Variants in PPP1R37 observed in about 807,000 individuals in gnomAD.
The protein encoded by PPP1R37 is protein phosphatase 1 regulatory subunit 37, also known as leucine rich repeat containing 68.
A neutral mutation model predicts 61.0 loss-of-function variants in PPP1R37; 21 were observed. The ratio of observed to expected loss-of-function variants is 0.34; its 90% CI spans 0.24 to 0.50. PPP1R37 has a LOEUF of 0.50. PPP1R37 is among the 20% of genes least tolerant of loss of function. The pLI is 0.98. For missense variants in PPP1R37, 910 were observed against 952.7 expected (o/e 0.96, Z 0.59); for synonymous variants, 443 against 433.5 (o/e 1.02, Z -0.27).
At chr19:45,125,039 A>G (rs891415384) in intron 1 of PPP1R37, among the ~76,000 whole-genome samples, 3 of 152,236 alleles carry the variant, frequency 2.0e-5, no homozygotes, top group African/African-American at 7.2e-5. Context: ...GAAGCTTGGA[A>G]TTCTCCTAAA....
At chr19:45,144,245 C>T (rs1350834884) in intron 8 of PPP1R37, 2 of 152,310 alleles carry the variant, frequency 1.3e-5, no homozygotes, top group African/African-American at 4.8e-5. Flanking sequence ...CGCAATCTGA[C>T]CTTGTGATCC....
At chr19:45,124,164 C>T (rs570056895) in intron 1 of PPP1R37, among the ~76,000 whole-genome samples, 1 of 152,150 alleles carries the variant, frequency 6.6e-6, no homozygotes, top group Non-Finnish European at 1.5e-5. Context: ...AGGGCTGAGA[C>T]GGGGAGCCCA....
At chr19:45,114,416 TG>T (rs1968238543) in intron 1 of PPP1R37, among the ~76,000 whole-genome samples, 2 of 152,208 alleles carry the variant, frequency 1.3e-5, no homozygotes, top group Admixed American at 6.5e-5. Flanking sequence ...CCAGCCCTCC[TG>T]GTGTCTGGAA....
At chr19:45,142,243 T>G (rs984722522) in intron 6 of PPP1R37, 32 bp downstream of exon 6, 4 of 1,533,254 alleles carry the variant, frequency 2.6e-6, no homozygotes, top group African/African-American at 1.4e-5. Flanking sequence ...GTGAGCAGGA[T>G]GTGCAGCCTG....
At chr19:45,111,955 T>C (rs1043400693) in intron 1 of PPP1R37, among the ~76,000 whole-genome samples, 2 of 151,972 alleles carry the variant, frequency 1.3e-5, no homozygotes, top group Non-Finnish European at 2.9e-5. Context: ...TCCTGGGTCT[T>C]GGTTTTTCTT....
chr19:45,133,927 T>A (rs1426812391), intron 1 of PPP1R37, among the ~76,000 whole-genome samples: 1 of 152,164 alleles, frequency 6.6e-6, no homozygotes, highest in African/African-American at 2.4e-5. Flanking sequence ...AGGAACTGGG[T>A]GTGAAATGCC....
intron 1 of PPP1R37, chr19:45,128,727 G>A (rs1599704718): frequency 7.1e-6 from 6 of 842,872 alleles, no homozygotes; most frequent in Admixed American, 2.1e-5. Context: ...GCACAGCCGC[G>A]TCAAGGTCCA....
chr19:45,145,015 C>A lies in PPP1R37; in HGVS notation c.1129+20C>A. The A allele has an allele frequency of 6.5e-7, 1 of 1,529,750 alleles. No homozygotes were observed. The highest frequency in any genetic ancestry group is 8.7e-7 in the Non-Finnish European group (1 of 1,143,812). The allele number at this position is 1,529,750 out of a possible 1,614,324, so 94.8% of individuals were successfully genotyped here. On this transcript the variant is annotated intron_variant, in intron 9 of 12. Coordinates refer to ENST00000221462, the MANE Select transcript of PPP1R37 (RefSeq NM_019121.2). ...GCGAGGGTAGGGTACGGGGCCGGGC[C>A]AGGGTGCGGGCTGGTGGGCTCAGCC...
chr19:45,105,706 A>G (rs1968121968), intron 1 of PPP1R37, among the ~76,000 whole-genome samples: 1 of 152,024 alleles, frequency 6.6e-6, no homozygotes, highest in Admixed American at 6.5e-5. Context: ...GGTTCTGCCT[A>G]CTATGATCAC....
At chr19:45,140,164 GCAGCCATTTGGGGCCTCGGCTGCCCCCC>G in intron 2 of PPP1R37, 44 bp from the exon 3 acceptor site, 1 of 1,343,516 alleles carries the variant, frequency 7.4e-7, no homozygotes. Context: ...CTCAGGCATA[GCAGCCATTTGGGGCCTCGGCTGCCCCCC>G]TGTTCAAGTG....
chr19:45,128,497 G>A (rs973591858), intron 1 of PPP1R37: 5 of 880,802 alleles, frequency 5.7e-6, no homozygotes, highest in South Asian at 4.5e-5. Flanking sequence ...CAGAGGCAGC[G>A]GTTGGGTTTG....
In PPP1R37 at chr19:45,143,593, A is replaced by T. The variant is rs1968642553; in HGVS notation, c.947A>T (p.Gln316Leu). ...GTGACCCTGGTGCTGTGGAACAACCAGCTCACGCACACAGGCATGGCCTTC... is the reference window on the plus strand; with the variant it reads ...GTGACCCTGGTGCTGTGGAACAACCTGCTCACGCACACAGGCATGGCCTTC... ...GLVTLVLWNN[Q>L]LTHTGMAFLG... Residue 316 changes from glutamine (Q) to leucine (L), a missense_variant, in exon 8 of 13, where the codon CAG becomes CTG. This residue lies in a region of PPP1R37 where 280 missense variants were observed against 382.2 expected (regional missense o/e 0.73). Transcript: ENST00000221462. 6.5e-7 allele frequency: 1 copy of T among 1,535,936 alleles called. No homozygotes were observed.
At chr19:45,107,067 T>C (rs1333912387) in intron 1 of PPP1R37, among the ~76,000 whole-genome samples, 1 of 151,772 alleles carries the variant, frequency 6.6e-6, no homozygotes, top group African/African-American at 2.4e-5. Context: ...CCGCCCACCT[T>C]GGCCTCCCAA....
intron 1 of PPP1R37, among the ~76,000 whole-genome samples, chr19:45,114,229 C>T (rs974182625): frequency 1.3e-5 from 2 of 152,248 alleles, no homozygotes; most frequent in African/African-American, 2.4e-5. Flanking sequence ...CCACCTGGGG[C>T]CACAGGAGGT....
At chr19:45,141,694 T>C (rs1968614032) in intron 5 of PPP1R37, among the ~76,000 whole-genome samples, 1 of 152,232 alleles carries the variant, frequency 6.6e-6, no homozygotes, top group African/African-American at 2.4e-5. Flanking sequence ...GTCATCCTTC[T>C]GTAATGTCAT....
chr19:45,093,531 G>C lies in PPP1R37; in HGVS notation c.202+4G>C, dbSNP rs1381103173. The C allele has an allele frequency of 1.5e-5, 23 of 1,529,614 alleles. No homozygotes were observed. The highest frequency in any genetic ancestry group is 1.9e-5 in the Non-Finnish European group (22 of 1,142,460). The allele number at this position is 1,529,614 out of a possible 1,614,324, so 94.8% of individuals were successfully genotyped here. On this transcript the variant is annotated splice_donor_region_variant and intron_variant, in intron 1 of 12. Coordinates refer to ENST00000221462, the MANE Select transcript of PPP1R37 (RefSeq NM_019121.2). ...CCCAAAGACCCCTGGAGACATGGTA[G>C]CTACCGCGGGTGAAGCGGGGGCGGG... is the stretch of plus-strand genomic sequence containing the variant.
intron 1 of PPP1R37, among the ~76,000 whole-genome samples, chr19:45,107,601 T>G (rs1169295178): frequency 2.0e-5 from 3 of 152,084 alleles, no homozygotes; most frequent in Non-Finnish European, 2.9e-5. Flanking sequence ...GTCTCAAAAA[T>G]AAATAAAAAA....
intron 1 of PPP1R37, among the ~76,000 whole-genome samples, chr19:45,111,528 G>A (rs1363819887): frequency 1.3e-5 from 2 of 152,092 alleles, no homozygotes; most frequent in Non-Finnish European, 2.9e-5. Flanking sequence ...CGCCTGCCTC[G>A]ATCTCCCAAA....
intron 1 of PPP1R37, among the ~76,000 whole-genome samples, chr19:45,106,720 G>T (rs948765933): frequency 6.9e-6 from 1 of 145,568 alleles, no homozygotes; most frequent in Non-Finnish European, 1.5e-5. Flanking sequence ...ATTTTTAATT[G>T]TTTTGTAGAG....
Sources: gnomAD v4.1 joint callset for allele counts (sites outside exome capture counted in the v4.1 genomes callset) on GRCh38, gnomAD v4.1.1 for gene constraint, gnomAD v4.1.1 regional missense constraint, MANE v1.5 for transcripts, NCBI Gene and HGNC (gene_info 2026-07-23, HGNC 2026-07-21) for gene names.